The following DLL4 variants were observed in gnomAD, a reference collection of about 807,000 sequenced individuals.
The protein encoded by DLL4 is delta-like protein 4.
In DLL4, 7 loss-of-function variants were observed where a neutral mutation model predicts 73.6. The observed-to-expected ratio is 0.10, with a 90% CI of 0.05 to 0.18. The LOEUF (loss-of-function observed/expected upper bound fraction) is 0.18. Among genes scored for constraint, DLL4 ranks in the 10% least tolerant of loss-of-function variants. The pLI, the probability that DLL4 is intolerant of heterozygous loss-of-function variation, is 1.00. For synonymous variants in DLL4, 345 were observed against 374.3 expected (o/e 0.92, Z 0.90); for missense variants, 614 against 929.9 (o/e 0.66, Z 4.42).
At chr15:40,932,583 G>A in intron 6 of DLL4, 136 bp downstream of exon 6, 1 of 1,203,770 alleles carries the variant, frequency 8.3e-7, no homozygotes, top group Non-Finnish European at 1.2e-6. Flanking sequence ...AAGGATCTTG[G>A]GTCTTTTAAG....
At chr15:40,934,231 T>A (rs1302539626) in intron 6 of DLL4, among the ~76,000 whole-genome samples, 1 of 145,340 alleles carries the variant, frequency 6.9e-6, no homozygotes, top group Non-Finnish European at 1.5e-5. Flanking sequence ...AAGGTTGAGG[T>A]ATGAGAATCG....
In DLL4 at chr15:40,936,560, C is replaced by T. The variant is rs750876689; in HGVS notation, c.1573C>T (p.Pro525Ser). ...SRCEFPVGLP[P>S]SFPWVAVSLG... ...CTGCGAGTTCCCCGTGGGCTTGCCG[C>T]CCAGCTTCCCCTGGGTGGCCGTCTC... The change falls in exon 9 of 11, where the codon CCC (proline) becomes TCC (serine). Residue 525 changes from proline to serine, a missense_variant. This residue lies in a region of DLL4 where 386 missense variants were observed against 541.3 expected (regional missense o/e 0.71). Coordinates refer to ENST00000249749, the MANE Select transcript of DLL4 (RefSeq NM_019074.4). 2 of 1,609,656 alleles carry T rather than the reference C, an allele frequency of 1.2e-6. No homozygotes were observed. Among genetic ancestry groups the T allele is most frequent in the Admixed American group, 1.7e-5 (1 of 59,492 alleles).
intron 3 of DLL4, chr15:40,931,224 C>T: frequency 1.9e-6 from 1 of 518,588 alleles, no homozygotes; most frequent in Non-Finnish European, 3.4e-6. Context: ...TTTCCCCTCC[C>T]TATCTGCCTC....
At position 40,930,389 on chromosome 15, in the gene DLL4, C is replaced by T; in HGVS notation, c.337-236C>T. On this transcript the variant is annotated intron_variant, in intron 2 of 10. Transcript: ENST00000249749. The surrounding 1 kb of genome is among the most constrained non-coding windows in gnomAD (Gnocchi z 5.7). The stretch of plus-strand genomic sequence containing the variant: ...CACTCTGGGGCGGTACCCTACCACC[C>T]CCTCCTCCAGTGGCTCTCCCTTACA... 1 of 631,458 alleles carries T rather than the reference C, an allele frequency of 1.6e-6. No individual in the cohort carries two copies. 39.1% of individuals were successfully genotyped at this position (631,458 alleles called of 1,614,324 possible). A position where few individuals can be genotyped will look rare whatever the true frequency, so the allele number is the denominator to read the frequency against.
Position 40,930,938 on chromosome 15 carries a change from C to A in DLL4, c.394+256C>A. Reference sequence around the variant, plus strand: ...TGAGAAAGGCTGAAGCTGCCAGCGCCGCTGACGGGCCCCTTCCTGTATTTT... The same window carrying A: ...TGAGAAAGGCTGAAGCTGCCAGCGCAGCTGACGGGCCCCTTCCTGTATTTT... On this transcript the variant is annotated intron_variant, in intron 3 of 10. Transcript: ENST00000249749. The surrounding 1 kb of genome is among the most constrained non-coding windows in gnomAD (Gnocchi z 5.7). The A allele has an allele frequency of 1.7e-6, 1 of 575,530 alleles. No homozygotes were observed. Among genetic ancestry groups the A allele is most frequent in the Non-Finnish European group, 3.1e-6 (1 of 323,290 alleles). 35.7% of individuals were successfully genotyped at this position (575,530 alleles called of 1,614,324 possible). A position where few individuals can be genotyped will look rare whatever the true frequency, so the allele number is the denominator to read the frequency against.
Position 40,930,232 on chromosome 15 carries a change from AGGATGCATTCTTT to A in DLL4, c.336+117_336+129del. Reference sequence around the variant, plus strand: ...ACACACCCCCACCCCCAAAAAGCCCAGGATGCATTCTTTCCTGGCTCTTCCCGACTCTCTCCTG... The same window carrying A: ...ACACACCCCCACCCCCAAAAAGCCCACCTGGCTCTTCCCGACTCTCTCCTG... On this transcript the variant is annotated intron_variant, in intron 2 of 10. Transcript: ENST00000249749. The surrounding 1 kb of genome is among the most constrained non-coding windows in gnomAD (Gnocchi z 5.7). 1.6e-6 allele frequency: 2 copies of A among 1,287,116 alleles called. No individual in the cohort carries two copies. The highest frequency in any genetic ancestry group is 2.1e-6 in the Non-Finnish European group (2 of 944,164). 79.7% of individuals were successfully genotyped at this position (1,287,116 alleles called of 1,614,324 possible).
rs534323557 is a variant in DLL4, at chr15:40,937,545, T to C, written c.2052+19T>C. The C allele has an allele frequency of 6.5e-7, 1 of 1,546,948 alleles. No individual in the cohort carries two copies. Among genetic ancestry groups the C allele is most frequent in the Non-Finnish European group, 8.9e-7 (1 of 1,118,784 alleles). Reference sequence around the variant, plus strand: ...CACGGAGGTGAGTGCTGGGCTCGCCTTTCCTTCTGCCTTTTGTGGGAGGGA... The same window carrying C: ...CACGGAGGTGAGTGCTGGGCTCGCCCTTCCTTCTGCCTTTTGTGGGAGGGA... On this transcript the variant is annotated intron_variant, in intron 10 of 10. Transcript: ENST00000249749.
Position 40,930,741 on chromosome 15 carries a change from A to T in DLL4, c.394+59A>T, listed in dbSNP as rs758333373. ...ACACGGCGCAGCGCCGAAAGAGTTA[A>T]TCTGTTCTAGGCGGGGGAAGTGCGG... On this transcript the variant is annotated intron_variant, in intron 3 of 10. Coordinates refer to ENST00000249749, the MANE Select transcript of DLL4 (RefSeq NM_019074.4). The surrounding 1 kb of genome is among the most constrained non-coding windows in gnomAD (Gnocchi z 5.7). 91 of 1,540,840 alleles carry T rather than the reference A, an allele frequency of 5.9e-5. No homozygotes were observed. Among genetic ancestry groups the T allele is most frequent in the Non-Finnish European group, 8.0e-5 (90 of 1,118,120 alleles).
chr15:40,932,522 C>T, intron 6 of DLL4, 75 bp downstream of exon 6: 1 of 1,562,700 alleles, frequency 6.4e-7, no homozygotes, highest in Non-Finnish European at 8.7e-7. Flanking sequence ...GATTCGTCAC[C>T]TGGATCCTTC....
Position 40,929,820 on chromosome 15 carries a change from C to G in DLL4, c.67-27C>G. On this transcript the variant is annotated intron_variant, in intron 1 of 10. Coordinates refer to ENST00000249749, the MANE Select transcript of DLL4 (RefSeq NM_019074.4). The surrounding 1 kb of genome is among the most constrained non-coding windows in gnomAD (Gnocchi z 7.1). ...CCAGCTGAGCTGACCGGTCCCCTCC[C>G]TCCTTCCCTCGGTCCCTGTGCAATA... The G allele has an allele frequency of 6.2e-7, 1 of 1,609,346 alleles. No individual in the cohort carries two copies. The highest frequency in any genetic ancestry group is 1.1e-5 in the South Asian group (1 of 91,032).
At chr15:40,937,358 C>T (rs1465141800) in intron 9 of DLL4, 60 bp from the exon 10 acceptor site, 1 of 1,220,124 alleles carries the variant, frequency 8.2e-7, no homozygotes. Context: ...CTCCAGGGTC[C>T]TCCCTCCCCC....
Position 40,930,749 on chromosome 15 carries a change from T to C in DLL4, c.394+67T>C, listed in dbSNP as rs1892757627. Reference sequence around the variant, plus strand: ...CAGCGCCGAAAGAGTTAATCTGTTCTAGGCGGGGGAAGTGCGGGCTTGGGG... The same window carrying C: ...CAGCGCCGAAAGAGTTAATCTGTTCCAGGCGGGGGAAGTGCGGGCTTGGGG... On this transcript the variant is annotated intron_variant, in intron 3 of 10. Transcript: ENST00000249749. The surrounding 1 kb of genome is among the most constrained non-coding windows in gnomAD (Gnocchi z 5.7). The C allele has an allele frequency of 6.6e-7, 1 of 1,508,792 alleles. No homozygotes were observed. Among genetic ancestry groups the C allele is most frequent in the African/African-American group, 1.4e-5 (1 of 72,786 alleles). The allele number at this position is 1,508,792 out of a possible 1,614,324, so 93.5% of individuals were successfully genotyped here. A position where few individuals can be genotyped will look rare whatever the true frequency, so the allele number is the denominator to read the frequency against.
At chr15:40,931,791 G>A in intron 4 of DLL4, 25 bp downstream of exon 4, 1 of 1,611,816 alleles carries the variant, frequency 6.2e-7, no homozygotes, top group African/African-American at 1.3e-5. Flanking sequence ...TCCCACCTGT[G>A]TGGAAGGGGA....
intron 8 of DLL4, 44 bp downstream of exon 8, chr15:40,935,161 C>T (rs774961280): frequency 1.2e-5 from 18 of 1,555,984 alleles, no homozygotes; most frequent in Non-Finnish European, 1.0e-5. Context: ...GGCCCTGGGG[C>T]TGAGAGAGAC....
intron 6 of DLL4, among the ~76,000 whole-genome samples, chr15:40,934,323 TAA>T (rs561583510): frequency 2.7e-4 from 30 of 109,640 alleles, no homozygotes; most frequent in Non-Finnish European, 3.0e-4. Context: ...GAGACTCTGT[TAA>T]AAAAAAAAAA....
In DLL4 at chr15:40,936,413, G is replaced by T; in HGVS notation, c.1426G>T (p.Glu476Ter). The change falls in exon 9 of 11, where the codon GAG becomes TAG. Residue 476 changes from glutamate to a stop codon, truncating the protein, a stop_gained. Coordinates refer to ENST00000249749, the MANE Select transcript of DLL4 (RefSeq NM_019074.4). LOFTEE classifies it high-confidence loss of function. ...TGCCGGCTTCTCTGGCCGACGCTGT[G>T]AGGTGCGGACATCCATCGATGCCTG... ...CPAGFSGRRC[E>*]VRTSIDACAS... 1 of 1,611,726 alleles carries T rather than the reference G, an allele frequency of 6.2e-7. No homozygotes were observed.
chr15:40,934,972 C>T lies in DLL4; in HGVS notation c.1095C>T (p.Ser365=). The part of the protein sequence containing the change: ...YGLHCEHSTL[S]CADSPCFNGG... ...TGCATTGTGAACACAGCACCTTGAGCTGCGCCGACTCCCCCTGCTTCAATG... is the reference window on the plus strand; with the variant it reads ...TGCATTGTGAACACAGCACCTTGAGTTGCGCCGACTCCCCCTGCTTCAATG... The change falls in exon 8 of 11, where the codon AGC becomes AGT. Residue 365 remains serine, a synonymous_variant. Coordinates refer to ENST00000249749, the MANE Select transcript of DLL4 (RefSeq NM_019074.4). The T allele has an allele frequency of 6.2e-7, 1 of 1,613,696 alleles. No individual in the cohort carries two copies. The highest frequency in any genetic ancestry group is 2.2e-5 in the East Asian group (1 of 44,884).
Position 40,929,629 on chromosome 15 carries a change from G to C in DLL4, c.-40G>C. ...GAAAGCGGCGTCGCGAACAGAGCCA[G>C]ATTGAGGGCCCGCGGGTGGAGAGAG... is the stretch of plus-strand genomic sequence containing the variant. On this transcript the variant is annotated 5_prime_UTR_variant, in exon 1 of 11. Transcript: ENST00000249749. The surrounding 1 kb of genome is among the most constrained non-coding windows in gnomAD (Gnocchi z 7.1). The C allele has an allele frequency of 3.3e-6, 5 of 1,494,794 alleles. No homozygotes were observed. The highest frequency in any genetic ancestry group is 4.4e-6 in the Non-Finnish European group (5 of 1,132,186). The allele number at this position is 1,494,794 out of a possible 1,614,324, so 92.6% of individuals were successfully genotyped here.
intron 6 of DLL4, among the ~76,000 whole-genome samples, chr15:40,933,385 G>A (rs559925432): frequency 5.3e-5 from 8 of 151,982 alleles, no homozygotes; most frequent in African/African-American, 1.9e-4. Flanking sequence ...TTTGCTCCCA[G>A]GTGACACAGT....
Sources: allele counts gnomAD v4.1 joint callset (sites outside exome capture counted in the v4.1 genomes callset), GRCh38; gene constraint gnomAD v4.1.1; regional missense constraint gnomAD v4.1.1; non-coding constraint Gnocchi (gnomAD v3.1); transcripts MANE v1.5; gene names NCBI Gene and HGNC (gene_info 2026-07-23, HGNC 2026-07-21).